Variants in NBAS observed in about 807,000 individuals in gnomAD.
NBAS encodes the protein NBAS subunit of NRZ tethering complex, also known as NAG/BC035112 fusion.
A neutral mutation model predicts 302.5 loss-of-function variants in NBAS; 219 were observed. That is an observed-to-expected ratio of 0.72 (90% CI 0.65 to 0.81). The LOEUF (loss-of-function observed/expected upper bound fraction) is 0.81. Among genes scored for constraint, NBAS ranks in the 30% least tolerant of loss-of-function variants. The pLI is 0.00. For missense variants in NBAS, 2,932 were observed against 2,841.6 expected, an observed-to-expected ratio of 1.03 and a Z score of -0.72; for synonymous variants, 1,118 against 1,021.6, an observed-to-expected ratio of 1.09 and a Z score of -1.80.
At position 15,167,178 on chromosome 2, in the gene NBAS, T is replaced by A. The variant is rs1664063001; in HGVS notation, c.6986A>T (p.Glu2329Val). The change falls in exon 52 of 52, where the codon GAG (glutamate) becomes GTG (valine). Residue 2329 changes from glutamate to valine, a missense_variant. Transcript: ENST00000281513. ...SLQQGRWDAE[E>V]LGRHLREAGH... Reference sequence around the variant, plus strand: ...GGCCTCCCGCAGGTGTCTGCCCAGCTCCTCTGCATCCCAGCGCCCTTGCTG... The same window carrying A: ...GGCCTCCCGCAGGTGTCTGCCCAGCACCTCTGCATCCCAGCGCCCTTGCTG... 1 of 1,614,230 alleles carries A rather than the reference T, an allele frequency of 6.2e-7. No homozygotes were observed. Among genetic ancestry groups the A allele is most frequent in the Non-Finnish European group, 8.5e-7 (1 of 1,180,046 alleles).
intron 40 of NBAS, among the ~76,000 whole-genome samples, chr2:15,297,771 A>G (rs1670617191): frequency 6.6e-6 from 1 of 152,158 alleles, no homozygotes; most frequent in Non-Finnish European, 1.5e-5. Context: ...ACAGATTTTC[A>G]ATGATAGATT....
At chr2:14,980,314 G>A in the NBAS span, among the ~76,000 whole-genome samples, 1 of 152,046 alleles carries the variant, frequency 6.6e-6, no homozygotes, top group Non-Finnish European at 1.5e-5. Context: ...TCCTTGGAAG[G>A]AACTAAATCA....
intron 45 of NBAS, among the ~76,000 whole-genome samples, chr2:15,236,527 CAAAAAAA>C (rs1167993098): frequency 7.1e-5 from 2 of 28,306 alleles, no homozygotes; most frequent in Admixed American, 5.8e-4. Context: ...GACCCTGTCT[CAAAAAAA>C]AAAAAAAAAA....
chr2:15,275,858 C>T (rs1291092148), intron 43 of NBAS, 40 bp from the exon 44 acceptor site: 1 of 1,554,354 alleles, frequency 6.4e-7, no homozygotes, highest in Non-Finnish European at 8.8e-7. Flanking sequence ...TGGTTCATTC[C>T]AATGTAAACA....
chr2:14,963,227 C>T, the NBAS span, among the ~76,000 whole-genome samples: 4 of 151,936 alleles, frequency 2.6e-5, no homozygotes, highest in Non-Finnish European at 4.4e-5. Flanking sequence ...AAGATCGCGA[C>T]CCAGCACTCC....
At chr2:15,396,966 G>T (rs1291774915) in intron 26 of NBAS, among the ~76,000 whole-genome samples, 2 of 152,156 alleles carry the variant, frequency 1.3e-5, no homozygotes, top group Non-Finnish European at 2.9e-5. Context: ...GTGCTTTAAG[G>T]GAAGGAAATC....
the NBAS span, among the ~76,000 whole-genome samples, chr2:14,906,471 G>A: frequency 2.0e-5 from 3 of 152,192 alleles, no homozygotes; most frequent in South Asian, 6.2e-4. Flanking sequence ...GGCACGGAAA[G>A]GCTGCCTCTG....
chr2:15,140,203 G>A, the NBAS span, among the ~76,000 whole-genome samples: 236 of 152,336 alleles, frequency 1.5e-3, 1 homozygote, highest in Non-Finnish European at 2.4e-3. Context: ...CCTCAACCGT[G>A]AGACAAGTGA....
rs541511658 is a variant in NBAS at position 15,404,511 on chromosome 2, A to T, written c.2938-2210T>A. 1.9e-4 allele frequency among the ~76,000 whole-genome samples: 28 copies of T among 149,246 alleles called. 1 individual carries two copies. The East Asian group carries it at 3.3e-3, about 18-fold the overall frequency. ...ACATTAAATAATCACTTTTTTTTTT[A>T]ATTTTTTTTTTTTTATTTTGAGACA... On this transcript the variant is annotated intron_variant, in intron 25 of 51. Coordinates refer to ENST00000281513, the MANE Select transcript of NBAS (RefSeq NM_015909.4).
intron 44 of NBAS, among the ~76,000 whole-genome samples, chr2:15,254,677 A>G (rs1031751278): frequency 2.0e-5 from 3 of 151,934 alleles, no homozygotes; most frequent in African/African-American, 7.3e-5. Context: ...AACGTGTAGT[A>G]TTTTCTCTCT....
At chr2:15,468,340 A>G (rs748642727) in intron 17 of NBAS, 42 bp downstream of exon 17, 21 of 1,611,950 alleles carry the variant, frequency 1.3e-5, no homozygotes, top group Admixed American at 1.7e-5. Flanking sequence ...AAGTTTTCAC[A>G]AAGTCACCTT....
At chr2:14,989,410 T>C in the NBAS span, among the ~76,000 whole-genome samples, 1 of 151,610 alleles carries the variant, frequency 6.6e-6, no homozygotes, top group Admixed American at 6.6e-5. Flanking sequence ...ATACAAAAAT[T>C]AGCCAGGCTT....
chr2:15,020,398 A>C, the NBAS span, among the ~76,000 whole-genome samples: 7 of 152,290 alleles, frequency 4.6e-5, no homozygotes, highest in South Asian at 1.2e-3. Flanking sequence ...ATGGTGAGCA[A>C]AGATGCAACA....
At chr2:15,350,874 T>C (rs2148295593) in intron 35 of NBAS, among the ~76,000 whole-genome samples, 1 of 152,308 alleles carries the variant, frequency 6.6e-6, no homozygotes, top group African/African-American at 2.4e-5. Flanking sequence ...TAACTAGCAA[T>C]CCTGTACACT....
intron 10 of NBAS, among the ~76,000 whole-genome samples, chr2:15,509,276 A>G (rs976230636): frequency 2.0e-5 from 3 of 152,146 alleles, no homozygotes; most frequent in Admixed American, 6.5e-5. Context: ...ATGTTCAGTT[A>G]TTATGCTCTA....
intron 47 of NBAS, among the ~76,000 whole-genome samples, chr2:15,227,726 C>T (rs958556704): frequency 7.2e-5 from 11 of 152,140 alleles, no homozygotes; most frequent in Admixed American, 3.3e-4. Context: ...CAAGAACACA[C>T]ACTGGGAAAA....
At chr2:15,418,476 AT>A (rs1340935306) in intron 23 of NBAS, among the ~76,000 whole-genome samples, 4 of 152,192 alleles carry the variant, frequency 2.6e-5, no homozygotes, top group Non-Finnish European at 5.9e-5. Flanking sequence ...ACCATTCACC[AT>A]TTGTGTTAGA....
the NBAS span, among the ~76,000 whole-genome samples, chr2:15,053,806 G>A: frequency 1.2e-4 from 18 of 152,182 alleles, no homozygotes; most frequent in African/African-American, 4.3e-4. Flanking sequence ...GAAGCCTAGG[G>A]CAGCCTGCAC....
Position 15,474,098 on chromosome 2 carries a change from G to A in NBAS, c.1568C>T (p.Ser523Phe). ...TKNYRLVSLR[S>F]TTPEELYQRK... ...CTGATAAAGTTCCTCTGGTGTCGTG[G>A]AGCGCAAACTCACAAGGCGGTAGTT... is the stretch of plus-strand genomic sequence containing the variant. The change falls in exon 15 of 52, where the codon TCC (serine) becomes TTC (phenylalanine). Residue 523 changes from serine (S) to phenylalanine (F), a missense_variant. Physicochemically the swap from Ser to Phe is radical, Grantham distance 155. Transcript: ENST00000281513. 6.2e-7 allele frequency: 1 copy of A among 1,614,140 alleles called. No homozygotes were observed. The highest frequency in any genetic ancestry group is 8.5e-7 in the Non-Finnish European group (1 of 1,180,030).
Sources: gnomAD v4.1 joint callset for allele counts (sites outside exome capture counted in the v4.1 genomes callset) on GRCh38, gnomAD v4.1.1 for gene constraint, MANE v1.5 for transcripts, NCBI Gene and HGNC (gene_info 2026-07-23, HGNC 2026-07-21) for gene names.